Variants in RNF2 observed in about 807,000 individuals in gnomAD.
RNF2 encodes the protein ring finger protein 2, also known as E3 ubiquitin-protein ligase RING2.
In RNF2, 6 loss-of-function variants were observed where a neutral mutation model predicts 37.2. The observed-to-expected ratio is 0.16, with a 90% CI of 0.09 to 0.32. The LOEUF (loss-of-function observed/expected upper bound fraction) is 0.32, where lower values mean the gene tolerates loss of function less well. Ranked by LOEUF, RNF2 falls within the 10% of genes least tolerant of loss-of-function variation. RNF2 has a pLI of 1.00. For synonymous variants in RNF2, 133 were observed against 132.7 expected, an observed-to-expected ratio of 1.00 and a Z score of -0.02; for missense variants, 251 against 404.0, an observed-to-expected ratio of 0.62 and a Z score of 3.25.
At chr1:185,072,666 C>G (rs1207542628) in intron 1 of RNF2, among the ~76,000 whole-genome samples, 1 of 152,092 alleles carries the variant, frequency 6.6e-6, no homozygotes, top group Admixed American at 6.5e-5. Flanking sequence ...CTAAAACATA[C>G]TGAACAGCTC....
At chr1:185,063,984 G>A (rs745792118) in intron 1 of RNF2, among the ~76,000 whole-genome samples, 8 of 152,162 alleles carry the variant, frequency 5.3e-5, no homozygotes, top group Non-Finnish European at 1.2e-4. Flanking sequence ...CTTAAGAGCT[G>A]TAATTTAATT....
At position 185,067,708 on chromosome 1, in the gene RNF2, CTTTT is replaced by C. The variant is rs753063280; in HGVS notation, c.-2-19827_-2-19824del. Among the ~76,000 whole-genome samples the C allele has an allele frequency of 5.0e-5, 6 of 121,132 alleles. No individual in the cohort carries two copies. The East Asian group carries it at 1.2e-3, about 23-fold the overall frequency. 79.5% of individuals were successfully genotyped at this position (121,132 alleles called of 152,430 possible). A position where few individuals can be genotyped will look rare whatever the true frequency, so the allele number is the denominator to read the frequency against. The stretch of plus-strand genomic sequence containing the variant: ...GATAATTAAGTAATTTAAAAGTATC[CTTTT>C]TTTTTTTTTTTTTTTTGAGACGGAG... On this transcript the variant is annotated intron_variant, in intron 1 of 6. Transcript: ENST00000367510.
intron 1 of RNF2, among the ~76,000 whole-genome samples, chr1:185,086,951 A>T (rs1303565316): frequency 6.6e-6 from 1 of 152,168 alleles, no homozygotes; most frequent in African/African-American, 2.4e-5. Flanking sequence ...GTAATTAAGC[A>T]CTTTTGATAT....
chr1:185,071,159 T>C (rs1030408959), intron 1 of RNF2, among the ~76,000 whole-genome samples: 1 of 152,140 alleles, frequency 6.6e-6, no homozygotes, highest in East Asian at 1.9e-4. Flanking sequence ...ATCTATACTT[T>C]ACATATGAAA....
intron 4 of RNF2, among the ~76,000 whole-genome samples, chr1:185,097,572 GGCCCA>G (rs1402441335): frequency 6.6e-6 from 1 of 152,192 alleles, no homozygotes. Flanking sequence ...GTCTTACTCT[GGCCCA>G]GGCCAGAGTA....
intron 1 of RNF2, among the ~76,000 whole-genome samples, chr1:185,049,020 G>A (rs759710483): frequency 1.2e-4 from 18 of 152,116 alleles, no homozygotes; most frequent in Non-Finnish European, 2.1e-4. Context: ...GAGGTCAAGT[G>A]TTCGAGACCA....
In RNF2 at chr1:185,055,573, C is replaced by A. The variant is rs551587513; in HGVS notation, c.-3+9924C>A. Among the ~76,000 whole-genome samples, 4 of 152,238 alleles carry A rather than the reference C, an allele frequency of 2.6e-5. No individual in the cohort carries two copies. In the South Asian group the frequency reaches 8.3e-4, roughly 32 times the overall value. On this transcript the variant is annotated intron_variant, in intron 1 of 6. Transcript: ENST00000367510. ...GGGATTACAGGCGAGCGCCACCACG[C>A]CCAGCTAATTTTTGTATTTTGAGTA...
At chr1:185,070,495 A>G (rs762334914) in intron 1 of RNF2, among the ~76,000 whole-genome samples, 1 of 152,168 alleles carries the variant, frequency 6.6e-6, no homozygotes, top group Non-Finnish European at 1.5e-5. Context: ...GAACAAATGT[A>G]TGGCCCAGTC....
intron 1 of RNF2, among the ~76,000 whole-genome samples, chr1:185,059,800 T>C (rs1650547725): frequency 6.6e-6 from 1 of 152,226 alleles, no homozygotes; most frequent in African/African-American, 2.4e-5. Context: ...TTTTTATCTC[T>C]AGAAATGAAT....
chr1:185,074,532 C>T (rs1389827092), intron 1 of RNF2, among the ~76,000 whole-genome samples: 1 of 151,996 alleles, frequency 6.6e-6, no homozygotes. Flanking sequence ...TGGCTCCTCT[C>T]ACCCTTATGA....
intron 1 of RNF2, among the ~76,000 whole-genome samples, chr1:185,056,072 A>G (rs989394903): frequency 1.3e-5 from 2 of 152,192 alleles, no homozygotes; most frequent in Admixed American, 6.5e-5. Flanking sequence ...TTACAGTTGC[A>G]TTGAAATGTA....
intron 2 of RNF2, 155 bp from the exon 3 acceptor site, chr1:185,091,424 A>C (rs567091916): frequency 3.7e-4 from 77 of 210,654 alleles, no homozygotes; most frequent in African/African-American, 1.7e-3. Flanking sequence ...AGGCGATTAT[A>C]GTTGAAACAA....
chr1:185,076,291 T>G (rs1246074927), intron 1 of RNF2, among the ~76,000 whole-genome samples: 1 of 73,464 alleles, frequency 1.4e-5, no homozygotes, highest in African/African-American at 5.0e-5. Flanking sequence ...TTTTTTTTTT[T>G]TTTTTTTTTT....
chr1:185,050,677 G>C (rs576916186), intron 1 of RNF2, among the ~76,000 whole-genome samples: 2 of 152,132 alleles, frequency 1.3e-5, no homozygotes, highest in African/African-American at 4.8e-5. Flanking sequence ...AATAGTTTGG[G>C]TAAAGTGTTA....
intron 1 of RNF2, among the ~76,000 whole-genome samples, chr1:185,081,998 A>G (rs1028748436): frequency 2.6e-5 from 4 of 152,130 alleles, no homozygotes; most frequent in Non-Finnish European, 4.4e-5. Context: ...CTTCAGTCCA[A>G]CCACTGAGCG....
At chr1:185,082,345 C>T (rs1287969533) in intron 1 of RNF2, among the ~76,000 whole-genome samples, 44 of 71,984 alleles carry the variant, frequency 6.1e-4, no homozygotes, top group South Asian at 1.0e-3. Context: ...CTCTGCAGAA[C>T]TTTTTTTTTT....
At chr1:185,061,365 A>C (rs1309435696) in intron 1 of RNF2, among the ~76,000 whole-genome samples, 1 of 151,860 alleles carries the variant, frequency 6.6e-6, no homozygotes, top group East Asian at 1.9e-4. Context: ...CTATCTCTTA[A>C]AAGGGGAAAA....
intron 1 of RNF2, among the ~76,000 whole-genome samples, chr1:185,051,877 A>G (rs575709782): frequency 6.7e-6 from 1 of 148,828 alleles, no homozygotes; most frequent in Non-Finnish European, 1.5e-5. Context: ...TATATATGTA[A>G]AAATGTGTGT....
At chr1:185,096,430 T>C (rs531048268) in intron 4 of RNF2, among the ~76,000 whole-genome samples, 1 of 152,310 alleles carries the variant, frequency 6.6e-6, no homozygotes, top group African/African-American at 2.4e-5. Flanking sequence ...AAACCCTGTA[T>C]CCATTAAGCA....
Sources: gnomAD v4.1 joint callset for allele counts (sites outside exome capture counted in the v4.1 genomes callset) on GRCh38, gnomAD v4.1.1 for gene constraint, MANE v1.5 for transcripts, NCBI Gene and HGNC (gene_info 2026-07-23, HGNC 2026-07-21) for gene names.